The following SEMA3E variants were observed in gnomAD, a reference collection of about 807,000 sequenced individuals.
The protein encoded by SEMA3E is semaphorin 3E, also known as semaphorin-3E.
A neutral mutation model predicts 93.6 loss-of-function variants in SEMA3E; 49 were observed. The ratio of observed to expected loss-of-function variants is 0.52; its 90% confidence interval spans 0.42 to 0.66. The LOEUF (loss-of-function observed/expected upper bound fraction) is 0.66, where lower values mean the gene tolerates loss of function less well. Among genes scored for constraint, SEMA3E ranks in the 30% least tolerant of loss-of-function variants. SEMA3E has a pLI of 0.00. For missense variants in SEMA3E, 906 were observed against 964.8 expected, an observed-to-expected ratio of 0.94 and a Z score of 0.81; for synonymous variants, 363 against 330.7, an observed-to-expected ratio of 1.10 and a Z score of -1.06.
intron 4 of SEMA3E, among the ~76,000 whole-genome samples, chr7:83,429,436 C>T (rs1562778392): frequency 6.6e-6 from 1 of 152,184 alleles, no homozygotes; most frequent in Non-Finnish European, 1.5e-5. Context: ...ACATTGACAG[C>T]TCTGCCTACT....
chr7:83,458,973 G>GTATATATA (rs71074661), intron 4 of SEMA3E, among the ~76,000 whole-genome samples: 51 of 140,616 alleles, frequency 3.6e-4, no homozygotes, highest in Admixed American at 1.4e-3. Context: ...GTGTGTGTGT[G>GTATATATA]TATATATATA....
intron 1 of SEMA3E, among the ~76,000 whole-genome samples, chr7:83,647,509 C>T (rs77467916): frequency 9.8e-4 from 149 of 152,056 alleles, no homozygotes; most frequent in African/African-American, 3.2e-3. Context: ...CAATTTATTC[C>T]GAATTTATAT....
chr7:83,412,781 C>A (rs146534405), intron 5 of SEMA3E, among the ~76,000 whole-genome samples: 412 of 140,444 alleles, frequency 2.9e-3, no homozygotes, highest in Middle Eastern at 7.0e-3. Flanking sequence ...AAAAAAAACA[C>A]ACAGGATAAG....
chr7:83,397,713 T>C (rs1038233664), intron 11 of SEMA3E, among the ~76,000 whole-genome samples: 1 of 152,328 alleles, frequency 6.6e-6, no homozygotes, highest in East Asian at 1.9e-4. Flanking sequence ...TAATTTAGTA[T>C]AATGCTGGAC....
At chr7:83,565,921 C>T (rs779730943) in intron 1 of SEMA3E, among the ~76,000 whole-genome samples, 14 of 151,750 alleles carry the variant, frequency 9.2e-5, no homozygotes, top group Non-Finnish European at 1.9e-4. Flanking sequence ...TAAATCTTAC[C>T]ATCATTCAAT....
chr7:83,555,546 G>A (rs982788967), intron 1 of SEMA3E, among the ~76,000 whole-genome samples: 4 of 152,024 alleles, frequency 2.6e-5, no homozygotes, highest in African/African-American at 9.7e-5. Context: ...AGAGGCAAAC[G>A]TATTTTCCAT....
intron 1 of SEMA3E, among the ~76,000 whole-genome samples, chr7:83,619,251 C>A (rs1793493698): frequency 6.6e-6 from 1 of 151,432 alleles, no homozygotes; most frequent in African/African-American, 2.4e-5. Flanking sequence ...AAAAAAAATT[C>A]TTTGATTTGC....
Position 83,366,002 on chromosome 7 carries a change from A to C in SEMA3E, c.*1584T>G, listed in dbSNP as rs1424303532. 2.0e-5 allele frequency: 3 copies of C among 152,140 alleles called. No homozygotes were observed. The highest frequency in any genetic ancestry group is 7.2e-5 in the African/African-American group (3 of 41,450). 9.4% of individuals were successfully genotyped at this position (152,140 alleles called of 1,614,324 possible). A position where few individuals can be genotyped will look rare whatever the true frequency, so the allele number is the denominator to read the frequency against. ...GAATTTTCAGAGGATGTCAATTTTC[A>C]GTATATTTGCATTTCTTAGATCTTT... On this transcript the variant is annotated 3_prime_UTR_variant, in exon 17 of 17. Transcript: ENST00000643230.
At chr7:83,511,831 G>A (rs1436941349) in intron 1 of SEMA3E, among the ~76,000 whole-genome samples, 1 of 152,130 alleles carries the variant, frequency 6.6e-6, no homozygotes, top group Non-Finnish European at 1.5e-5. Context: ...GCGAGGCAGA[G>A]GTAGCAGTGA....
At chr7:83,436,906 G>T (rs1359804406) in intron 4 of SEMA3E, among the ~76,000 whole-genome samples, 2 of 152,158 alleles carry the variant, frequency 1.3e-5, no homozygotes, top group African/African-American at 2.4e-5. Context: ...AGGTTTAATT[G>T]CAACATGGCT....
intron 1 of SEMA3E, among the ~76,000 whole-genome samples, chr7:83,530,943 A>G (rs1265451933): frequency 6.6e-6 from 1 of 152,182 alleles, no homozygotes; most frequent in African/African-American, 2.4e-5. Context: ...TTTGTATTTT[A>G]TAAAGTAATT....
intron 1 of SEMA3E, among the ~76,000 whole-genome samples, chr7:83,606,763 A>T (rs1584360595): frequency 2.0e-5 from 1 of 49,984 alleles, no homozygotes; most frequent in Non-Finnish European, 4.2e-5. Flanking sequence ...AAAGTATAAT[A>T]AAAAAAAAAA....
intron 4 of SEMA3E, among the ~76,000 whole-genome samples, chr7:83,438,502 A>AT (rs1028142833): frequency 3.1e-4 from 47 of 152,242 alleles, no homozygotes; most frequent in African/African-American, 9.4e-4. Flanking sequence ...ATGATTGGCT[A>AT]TTTTTTAACA....
Position 83,363,860 on chromosome 7 carries a change from ATTTTTTTTTTTTTTTTTTTTTTTTTT to A in SEMA3E, c.*3700_*3725del, listed in dbSNP as rs56867715. On this transcript the variant is annotated 3_prime_UTR_variant, in exon 17 of 17. Coordinates refer to ENST00000643230, the MANE Select transcript of SEMA3E (RefSeq NM_012431.3). Reference sequence around the variant, plus strand: ...GGCTACAGGTGTCACAGGTCAATTCATTTTTTTTTTTTTTTTTTTTTTTTTTTTTTTTTTTTTTTTTTTTTGAGACG... The same window carrying A: ...GGCTACAGGTGTCACAGGTCAATTCATTTTTTTTTTTTTTTTTTTGAGACG... 3.6e-3 allele frequency: 280 copies of A among 76,966 alleles called. 1 individual carries two copies. The highest frequency in any genetic ancestry group is 0.011 in the African/African-American group (227 of 20,108). 4.8% of individuals were successfully genotyped at this position (76,966 alleles called of 1,614,324 possible).
rs149359192 is a variant in SEMA3E at position 83,598,612 on chromosome 7, G to A, written c.115+49816C>T. ...AGTCCTCCCTTTGGAAGCATGCTGTGTTAATAATGCTAGCGGTTTGCTGCT... is the reference window on the plus strand; with the variant it reads ...AGTCCTCCCTTTGGAAGCATGCTGTATTAATAATGCTAGCGGTTTGCTGCT... On this transcript the variant is annotated intron_variant, in intron 1 of 16. Transcript: ENST00000643230. Among the ~76,000 whole-genome samples the A allele has an allele frequency of 5.0e-3, 764 of 152,274 alleles. 4 individuals are homozygous for A. The highest frequency in any genetic ancestry group is 0.017 in the African/African-American group (703 of 41,564).
chr7:83,520,122 A>G (rs1253304063), intron 1 of SEMA3E, among the ~76,000 whole-genome samples: 1 of 152,148 alleles, frequency 6.6e-6, no homozygotes, highest in Non-Finnish European at 1.5e-5. Context: ...GCAATTTTTG[A>G]TATCTCTGTT....
intron 1 of SEMA3E, among the ~76,000 whole-genome samples, chr7:83,645,005 A>T (rs117101221): frequency 0.016 from 2,416 of 152,016 alleles, 29 homozygotes; most frequent in Non-Finnish European, 0.025. Flanking sequence ...AGCTCCCATG[A>T]TTGAATTTCT....
intron 1 of SEMA3E, among the ~76,000 whole-genome samples, chr7:83,628,435 T>C (rs1167703069): frequency 6.6e-6 from 1 of 152,090 alleles, no homozygotes; most frequent in African/African-American, 2.4e-5. Context: ...CAATGAAACA[T>C]AGTTTGGTTT....
At chr7:83,618,394 G>T (rs1284670158) in intron 1 of SEMA3E, among the ~76,000 whole-genome samples, 1 of 151,946 alleles carries the variant, frequency 6.6e-6, no homozygotes, top group Admixed American at 6.6e-5. Flanking sequence ...TGACAAGTAA[G>T]TTTTTTTATT....
Sources: allele counts gnomAD v4.1 joint callset (sites outside exome capture counted in the v4.1 genomes callset), GRCh38; gene constraint gnomAD v4.1.1; transcripts MANE v1.5; gene names NCBI Gene and HGNC (gene_info 2026-07-23, HGNC 2026-07-21).